PPP1R13L: variants seen among roughly 807,000 people sequenced by gnomAD.
PPP1R13L encodes the protein protein phosphatase 1 regulatory subunit 13 like, also known as relA-associated inhibitor.
In PPP1R13L, 50 loss-of-function variants were observed where a neutral mutation model predicts 80.9. The ratio of observed to expected loss-of-function variants is 0.62; its 90% CI spans 0.49 to 0.78. The LOEUF (loss-of-function observed/expected upper bound fraction) is 0.78. PPP1R13L is among the 30% of genes least tolerant of loss of function. The pLI, the probability that PPP1R13L is intolerant of heterozygous loss-of-function variation, is 0.00. For missense variants in PPP1R13L, 1,200 were observed against 1,205.9 expected, an observed-to-expected ratio of 1.00 and a Z score of 0.07; for synonymous variants, 602 against 534.3, an observed-to-expected ratio of 1.13 and a Z score of -1.75.
chr19:45,384,953 A>G (rs969618243), intron 11 of PPP1R13L, among the ~76,000 whole-genome samples: 1 of 151,954 alleles, frequency 6.6e-6, no homozygotes, highest in African/African-American at 2.4e-5. Context: ...TGTCTCACCC[A>G]TAAGTCCTAG....
upstream of PPP1R13L, among the ~76,000 whole-genome samples, chr19:45,405,679 G>T (rs565529459): frequency 2.7e-4 from 41 of 152,338 alleles, no homozygotes; most frequent in South Asian, 1.0e-3. Flanking sequence ...GCTCTGGAAA[G>T]CCTCTCCCAC....
chr19:45,384,295 C>A (rs1345660972), intron 11 of PPP1R13L, among the ~76,000 whole-genome samples: 2 of 147,922 alleles, frequency 1.4e-5, no homozygotes, highest in South Asian at 2.1e-4. Context: ...CCAAGGCAGG[C>A]GGATCCTCTG....
intron 1 of PPP1R13L, among the ~76,000 whole-genome samples, chr19:45,398,585 C>CTTTTTTTTTTTTTT (rs113649282): frequency 6.6e-5 from 9 of 136,524 alleles, no homozygotes; most frequent in East Asian, 4.2e-4. Flanking sequence ...TTTTTCTTTT[C>CTTTTTTTTTTTTTT]TTTTTTTTTT....
chr19:45,396,092 A>ACTG lies in PPP1R13L; in HGVS notation c.903+73_903+75dup. ...CCCAGATCGCAGCCCCGAGGGGGAG[A>ACTG]CTGGCCTTGACCCCGCTCCCCCACC... On this transcript the variant is annotated intron_variant, in intron 6 of 12. Coordinates refer to ENST00000360957, the MANE Select transcript of PPP1R13L (RefSeq NM_006663.4). This position sits in a 1 kb window ranked among gnomAD's most constrained non-coding sequence, Gnocchi z 5.3. The ACTG allele has an allele frequency of 6.8e-7, 1 of 1,475,948 alleles. No homozygotes were observed. Among genetic ancestry groups the ACTG allele is most frequent in the Admixed American group, 2.0e-5 (1 of 49,916 alleles). The allele number at this position is 1,475,948 out of a possible 1,614,324, so 91.4% of individuals were successfully genotyped here. A position where few individuals can be genotyped will look rare whatever the true frequency, so the allele number is the denominator to read the frequency against.
intron 1 of PPP1R13L, among the ~76,000 whole-genome samples, chr19:45,402,651 G>C (rs959711063): frequency 9.2e-5 from 14 of 152,188 alleles, no homozygotes; most frequent in Admixed American, 4.6e-4. Context: ...GGGGTGGCGC[G>C]GGCCGTGTGT....
chr19:45,399,498 C>T (rs1375860039), intron 1 of PPP1R13L, among the ~76,000 whole-genome samples: 1 of 151,132 alleles, frequency 6.6e-6, no homozygotes, highest in Non-Finnish European at 1.5e-5. Flanking sequence ...GTGATGGACG[C>T]CTGTAGTCCC....
At chr19:45,394,773 C>T (rs1404196625) in intron 7 of PPP1R13L, 2 of 150,844 alleles carry the variant, frequency 1.3e-5, no homozygotes, top group African/African-American at 4.9e-5. Flanking sequence ...GCACCTGGCC[C>T]ATCAGGTGCT....
At chr19:45,398,591 T>C (rs1457528716) in intron 1 of PPP1R13L, among the ~76,000 whole-genome samples, 1 of 149,950 alleles carries the variant, frequency 6.7e-6, no homozygotes, top group Non-Finnish European at 1.5e-5. Context: ...TTTTCTTTTT[T>C]TTTTTTTTTT....
intron 12 of PPP1R13L, among the ~76,000 whole-genome samples, chr19:45,381,222 CTT>C (rs61206815): frequency 1.4e-5 from 2 of 145,070 alleles, no homozygotes; most frequent in African/African-American, 2.5e-5. Context: ...ACCCGGCTAA[CTT>C]TTTTTTTTTG....
In PPP1R13L at chr19:45,396,087, G is replaced by A; in HGVS notation, c.903+81C>T. ...CGAGACCCAGATCGCAGCCCCGAGG[G>A]GGAGACTGGCCTTGACCCCGCTCCC... On this transcript the variant is annotated intron_variant, in intron 6 of 12. Transcript: ENST00000360957. The surrounding 1 kb of genome is among the most constrained non-coding windows in gnomAD (Gnocchi z 5.3). The A allele has an allele frequency of 1.4e-6, 2 of 1,473,884 alleles. No individual in the cohort carries two copies. The highest frequency in any genetic ancestry group is 5.0e-5 in the East Asian group (2 of 40,342). 91.3% of individuals were successfully genotyped at this position (1,473,884 alleles called of 1,614,324 possible). A position where few individuals can be genotyped will look rare whatever the true frequency, so the allele number is the denominator to read the frequency against.
In PPP1R13L at chr19:45,396,205, C is replaced by T. The variant is rs768417956; in HGVS notation, c.866G>A (p.Arg289Lys). The T allele has an allele frequency of 1.9e-6, 3 of 1,611,654 alleles. No individual in the cohort carries two copies. Among genetic ancestry groups the T allele is most frequent in the African/African-American group, 2.7e-5 (2 of 74,878 alleles). ...ASPSLQLLPW[R>K]ESSLDGLGGT... ...CCCCAGTCCATCCAGGCTGCTCTCC[C>T]TCCAAGGCAACAGCTGCAGGCTCGG... Residue 289 changes from arginine to lysine, a missense_variant, in exon 6 of 13, where the codon AGG becomes AAG. This residue lies in a region of PPP1R13L where 764 missense variants were observed against 714.5 expected (regional missense o/e 1.07). Coordinates refer to ENST00000360957, the MANE Select transcript of PPP1R13L (RefSeq NM_006663.4). This position sits in a 1 kb window ranked among gnomAD's most constrained non-coding sequence, Gnocchi z 5.3.
chr19:45,394,180 G>A (rs1476216266), intron 7 of PPP1R13L, among the ~76,000 whole-genome samples: 1 of 152,126 alleles, frequency 6.6e-6, no homozygotes, highest in Non-Finnish European at 1.5e-5. Context: ...CACCCAGGCT[G>A]GAGTGCAGTG....
rs752085967 is a variant in PPP1R13L at position 45,398,259 on chromosome 19, C to T, written c.55+5G>A. 1.9e-6 allele frequency: 3 copies of T among 1,613,938 alleles called. No individual in the cohort carries two copies. The Admixed American group carries it at 5.0e-5, about 27-fold the overall frequency. ...TCGCCAGCCCCGCCCCCTACTCCAGCTTACACTGGAAGTTCATGTCCAGAA... is the reference window on the plus strand; with the variant it reads ...TCGCCAGCCCCGCCCCCTACTCCAGTTTACACTGGAAGTTCATGTCCAGAA... On this transcript the variant is annotated splice_donor_5th_base_variant and intron_variant, in intron 2 of 12. Transcript: ENST00000360957.
Position 45,382,167 on chromosome 19 carries a change from G to A in PPP1R13L, c.2448+360C>T, listed in dbSNP as rs533757720. On this transcript the variant is annotated intron_variant, in intron 12 of 12. Coordinates refer to ENST00000360957, the MANE Select transcript of PPP1R13L (RefSeq NM_006663.4). ...GGTTGAGCCCGGGTGGGGGGGGCCC[G>A]AGGTTGCAGTGAGCACAGATGGCGC... 6.6e-5 allele frequency among the ~76,000 whole-genome samples: 10 copies of A among 152,172 alleles called. No individual in the cohort carries two copies. The East Asian group carries it at 1.5e-3, about 23-fold the overall frequency.
chr19:45,399,603 G>GAC (rs1973192084), intron 1 of PPP1R13L, among the ~76,000 whole-genome samples: 2 of 150,526 alleles, frequency 1.3e-5, no homozygotes, highest in Non-Finnish European at 3.0e-5. Context: ...CAGCCTGGGC[G>GAC]ACAGTGCGAG....
Position 45,395,594 on chromosome 19 carries a change from G to C in PPP1R13L, c.1196C>G (p.Thr399Ser). The C allele has an allele frequency of 6.8e-7, 1 of 1,475,856 alleles. No individual in the cohort carries two copies. The highest frequency in any genetic ancestry group is 2.3e-5 in the Admixed American group (1 of 42,790). The allele number at this position is 1,475,856 out of a possible 1,614,324, so 91.4% of individuals were successfully genotyped here. The part of the protein sequence containing the change: ...RAMLPGSPLF[T>S]RAPPPKLQPQ... ...CTGCAGCTTAGGCGGGGGTGCTCGGGTGAAGAGGGGGGACCCAGGGAGCAT... is the reference window on the plus strand; with the variant it reads ...CTGCAGCTTAGGCGGGGGTGCTCGGCTGAAGAGGGGGGACCCAGGGAGCAT... The change falls in exon 7 of 13, where the codon ACC (threonine) becomes AGC (serine). Residue 399 changes from threonine (T) to serine (S), a missense_variant. Physicochemically the swap from Thr to Ser is moderately conservative, Grantham distance 58. Transcript: ENST00000360957.
chr19:45,391,786 G>T, intron 8 of PPP1R13L, 94 bp downstream of exon 8: 1 of 977,366 alleles, frequency 1.0e-6, no homozygotes, highest in Non-Finnish European at 1.4e-6. Context: ...AGAAAACTTC[G>T]ATCTCATCTA....
At chr19:45,404,123 T>C (rs542393231) in intron 1 of PPP1R13L, among the ~76,000 whole-genome samples, 84 of 152,250 alleles carry the variant, frequency 5.5e-4, no homozygotes, top group Non-Finnish European at 9.7e-4. Flanking sequence ...ATCCTGACCC[T>C]ACAAACTCTA....
chr19:45,386,611 T>C (rs904019628), intron 8 of PPP1R13L, among the ~76,000 whole-genome samples: 15 of 150,834 alleles, frequency 9.9e-5, no homozygotes, highest in African/African-American at 3.7e-4. Context: ...TTATTCCTTG[T>C]ATTTTCCTTT....
Sources: allele counts gnomAD v4.1 joint callset (sites outside exome capture counted in the v4.1 genomes callset), GRCh38; gene constraint gnomAD v4.1.1; regional missense constraint gnomAD v4.1.1; non-coding constraint Gnocchi (gnomAD v3.1); transcripts MANE v1.5; gene names NCBI Gene and HGNC (gene_info 2026-07-23, HGNC 2026-07-21).